FRMPD4: variants seen among roughly 807,000 people sequenced by gnomAD.
The protein encoded by FRMPD4 is FERM and PDZ domain containing 4, also known as FERM and PDZ domain-containing protein 4.
In FRMPD4, 22 loss-of-function variants were observed where a neutral mutation model predicts 94.1. The observed-to-expected ratio is 0.23, with a 90% confidence interval of 0.17 to 0.33. The LOEUF (loss-of-function observed/expected upper bound fraction) is 0.33. Among genes scored for constraint, FRMPD4 ranks in the 10% least tolerant of loss-of-function variants. FRMPD4 has a pLI of 1.00. For missense variants in FRMPD4, 1,111 were observed against 1,339.9 expected, an observed-to-expected ratio of 0.83 and a Z score of 2.67; for synonymous variants, 631 against 548.6, an observed-to-expected ratio of 1.15 and a Z score of -2.10.
rs374904860 is a variant in FRMPD4 at position 12,052,739 on chromosome X, T to A, written c.95+174721T>A. Among the ~76,000 whole-genome samples, 24 of 112,043 alleles carry A rather than the reference T, an allele frequency of 2.1e-4. No individual in the cohort carries two copies. The East Asian group carries it at 5.0e-3, about 23-fold the overall frequency. On this transcript the variant is annotated intron_variant, in intron 3 of 18. Coordinates refer to the FRMPD4 transcript ENST00000640291. ...AAAAAGTTTGACTATTGACTTACAA[T>A]TGAGCTTTTCCTAAGTCTCTTATTT...
chrX:12,415,445 C>CTGAT (rs953830690), intron 1 of FRMPD4, among the ~76,000 whole-genome samples: 53 of 111,761 alleles, frequency 4.7e-4, no homozygotes, highest in Middle Eastern at 4.6e-3. Context: ...GGAAAGCAAT[C>CTGAT]TGATTGATAT....
intron 1 of FRMPD4, among the ~76,000 whole-genome samples, chrX:12,425,697 T>C (rs1270707747): frequency 8.9e-6 from 1 of 111,775 alleles, no homozygotes; most frequent in South Asian, 3.8e-4. Flanking sequence ...CTACAATGCA[T>C]GCGGCAACTC....
intron 1 of FRMPD4, among the ~76,000 whole-genome samples, chrX:12,468,745 T>C (rs1278075443): frequency 8.9e-6 from 1 of 112,062 alleles, no homozygotes; most frequent in Non-Finnish European, 1.9e-5. Flanking sequence ...GTCACCATGA[T>C]ACCCTGGATC....
At chrX:12,549,148 T>A (rs1023069352) in intron 2 of FRMPD4, among the ~76,000 whole-genome samples, 16 of 111,937 alleles carry the variant, frequency 1.4e-4, no homozygotes, top group African/African-American at 4.9e-4. Context: ...TCCACACACA[T>A]AAGATTTCCC....
intron 8 of FRMPD4, among the ~76,000 whole-genome samples, chrX:12,692,327 G>A (rs138269793): frequency 0.03 from 3,385 of 112,182 alleles, 129 homozygotes; most frequent in African/African-American, 0.1. Context: ...AAAAGAAAAC[G>A]GATTTAAATA....
At chrX:12,230,048 A>G (rs1353744540) in intron 1 of FRMPD4, among the ~76,000 whole-genome samples, 1 of 111,340 alleles carries the variant, frequency 9.0e-6, no homozygotes, top group Non-Finnish European at 1.9e-5. Context: ...CTTTATGACT[A>G]CTGTTGTTCT....
intron 3 of FRMPD4, among the ~76,000 whole-genome samples, chrX:11,945,776 A>G (rs1214288269): frequency 3.6e-5 from 4 of 111,647 alleles, no homozygotes; most frequent in East Asian, 2.8e-4. Context: ...TAAGACATTC[A>G]TGAAAGACCC....
intron 2 of FRMPD4, among the ~76,000 whole-genome samples, chrX:12,516,686 C>T (rs147953415): frequency 0.074 from 8,183 of 110,407 alleles, 279 homozygotes; most frequent in East Asian, 0.15. Context: ...TTGATCTTCT[C>T]ATGGAGTATC....
intron 1 of FRMPD4, among the ~76,000 whole-genome samples, chrX:12,453,792 T>C (rs766569417): frequency 8.9e-6 from 1 of 112,224 alleles, no homozygotes; most frequent in Non-Finnish European, 1.9e-5. Flanking sequence ...ATTTCTGATA[T>C]AGAATGAGCA....
At chrX:12,688,376 T>C (rs1317231325) in intron 7 of FRMPD4, among the ~76,000 whole-genome samples, 2 of 112,137 alleles carry the variant, frequency 1.8e-5, no homozygotes, top group Admixed American at 9.5e-5. Context: ...TTACGGAACA[T>C]ATGCAAGACT....
chrX:12,505,752 G>A (rs112994907), intron 2 of FRMPD4, among the ~76,000 whole-genome samples: 2,887 of 89,135 alleles, frequency 0.032, 113 homozygotes, highest in African/African-American at 0.1. Context: ...AAAAAAAAGG[G>A]GGGGAGAGCA....
chrX:12,467,983 A>T (rs1017462660), intron 1 of FRMPD4, among the ~76,000 whole-genome samples: 2 of 112,183 alleles, frequency 1.8e-5, no homozygotes, highest in Admixed American at 1.9e-4. Context: ...TACTTTTCCC[A>T]TTTCTTCATG....
intron 3 of FRMPD4, among the ~76,000 whole-genome samples, chrX:12,084,771 G>T (rs1202130788): frequency 8.9e-6 from 1 of 112,145 alleles, no homozygotes; most frequent in East Asian, 2.8e-4. Context: ...GCTTTGGAAA[G>T]ACCAATTACT....
intron 1 of FRMPD4, among the ~76,000 whole-genome samples, chrX:12,377,543 CA>C (rs762065564): frequency 3.6e-5 from 4 of 112,370 alleles, no homozygotes; most frequent in Non-Finnish European, 7.5e-5. Flanking sequence ...TGACACACCA[CA>C]ATGCATCTGG....
chrX:12,159,534 T>C (rs1443910496), intron 1 of FRMPD4, among the ~76,000 whole-genome samples: 1 of 112,211 alleles, frequency 8.9e-6, no homozygotes, highest in African/African-American at 3.2e-5. Context: ...ATTGCCGTTT[T>C]ACTATGACAG....
chrX:12,158,022 AAGG>A (rs765770442), intron 1 of FRMPD4, among the ~76,000 whole-genome samples: 20 of 112,213 alleles, frequency 1.8e-4, no homozygotes, highest in Non-Finnish European at 3.4e-4. Flanking sequence ...AATCAGAAGA[AAGG>A]AGGGGGAAAA....
chrX:12,183,685 G>A (rs1044335394), intron 1 of FRMPD4, among the ~76,000 whole-genome samples: 4 of 111,129 alleles, frequency 3.6e-5, no homozygotes, highest in African/African-American at 9.8e-5. Flanking sequence ...TATAGCGAGC[G>A]TAATGGCTTG....
At chrX:12,424,994 T>C (rs1028918746) in intron 1 of FRMPD4, among the ~76,000 whole-genome samples, 9 of 112,677 alleles carry the variant, frequency 8.0e-5, no homozygotes, top group Non-Finnish European at 1.5e-4. Context: ...TTTCTGTAGG[T>C]TGAATATGAA....
At chrX:12,645,347 CTT>C (rs138817056) in intron 4 of FRMPD4, among the ~76,000 whole-genome samples, 18 of 55,628 alleles carry the variant, frequency 3.2e-4, no homozygotes, top group East Asian at 1.2e-3. Flanking sequence ...CACTCTCACT[CTT>C]TTTTTTTTTT....
Sources: allele counts gnomAD v4.1 joint callset (sites outside exome capture counted in the v4.1 genomes callset), GRCh38; gene constraint gnomAD v4.1.1; transcripts MANE v1.5; gene names NCBI Gene and HGNC (gene_info 2026-07-23, HGNC 2026-07-21).